The following SRSF4 variants were observed in gnomAD, a reference collection of about 807,000 sequenced individuals.
The protein encoded by SRSF4 is serine/arginine-rich splicing factor 4.
A neutral mutation model predicts 48.8 loss-of-function variants in SRSF4; 12 were observed. The observed-to-expected ratio is 0.25, with a 90% confidence interval of 0.16 to 0.40. The LOEUF is 0.40. Among genes scored for constraint, SRSF4 ranks in the 10% least tolerant of loss-of-function variants. The probability of loss-of-function intolerance (pLI) is 1.00; values close to 1 mark genes in which losing one functional copy is unlikely to be tolerated. For missense variants in SRSF4, 466 were observed against 667.1 expected, an observed-to-expected ratio of 0.70 and a Z score of 3.32; for synonymous variants, 248 against 232.5, an observed-to-expected ratio of 1.07 and a Z score of -0.61.
At chr1:29,152,501 C>T (rs1253151106) in intron 4 of SRSF4, among the ~76,000 whole-genome samples, 1 of 152,188 alleles carries the variant, frequency 6.6e-6, no homozygotes, top group African/African-American at 2.4e-5. Flanking sequence ...GTCAGTATAT[C>T]TGGTCCTTCT....
chr1:29,151,297 T>C (rs755898044), intron 4 of SRSF4, among the ~76,000 whole-genome samples: 7 of 152,146 alleles, frequency 4.6e-5, no homozygotes, highest in Non-Finnish European at 8.8e-5. Context: ...TCAATGATAC[T>C]AAGAAGAAAC....
At chr1:29,167,533 C>T (rs1265951651) in intron 1 of SRSF4, among the ~76,000 whole-genome samples, 9 of 152,188 alleles carry the variant, frequency 5.9e-5, no homozygotes, top group African/African-American at 2.2e-4. Flanking sequence ...TACAGGCACA[C>T]GCCACCACGC....
At chr1:29,170,964 G>C (rs1352409746) in intron 1 of SRSF4, 1 of 152,152 alleles carries the variant, frequency 6.6e-6, no homozygotes, top group African/African-American at 2.4e-5. Flanking sequence ...TAGCCTGGGA[G>C]ACTTTCATCT....
intron 1 of SRSF4, chr1:29,166,213 G>A (rs1672666947): frequency 6.6e-6 from 1 of 152,208 alleles, no homozygotes; most frequent in South Asian, 2.1e-4. Context: ...GAATCAAACA[G>A]CTTTGTTTCA....
Position 29,148,496 on chromosome 1 carries a change from T to C in SRSF4, c.1399A>G (p.Lys467Glu), listed in dbSNP as rs766701254. The C allele has an allele frequency of 1.2e-6, 2 of 1,614,134 alleles. No individual in the cohort carries two copies. The highest frequency in any genetic ancestry group is 3.3e-5 in the Admixed American group (2 of 60,014). Reference protein sequence around the residue: ...ESRSRSKSASKTRSRSKSRSR... With the variant: ...ESRSRSKSASETRSRSKSRSR... ...CTAGACTTGGACCGAGATCGGGTTT[T>C]TGAAGCTGACTTTGATCTGGAGCGT... The change falls in exon 6 of 6, where the codon AAA (lysine) becomes GAA (glutamate). Residue 467 changes from lysine (K) to glutamate (E), a missense_variant. Lys to Glu is a moderately conservative substitution (Grantham distance 56, BLOSUM62 1). Coordinates refer to ENST00000373795, the MANE Select transcript of SRSF4 (RefSeq NM_005626.5).
intron 5 of SRSF4, 117 bp from the exon 6 acceptor site, chr1:29,149,343 C>G: frequency 1.6e-6 from 2 of 1,274,162 alleles, no homozygotes; most frequent in Non-Finnish European, 2.1e-6. Context: ...ATGGCTGGCA[C>G]TGGCTGAGGA....
At position 29,154,930 on chromosome 1, in the gene SRSF4, T is replaced by C; in HGVS notation, c.364-20A>G. 1.2e-6 allele frequency: 2 copies of C among 1,600,408 alleles called. No individual in the cohort carries two copies. The highest frequency in any genetic ancestry group is 1.3e-5 in the African/African-American group (1 of 74,262). ...ATAATCCTGAAGAAAAAAAAAAGTG[T>C]GACTACATTAGGATATGTTTTGCTA... On this transcript the variant is annotated intron_variant, in intron 3 of 5. Coordinates refer to ENST00000373795, the MANE Select transcript of SRSF4 (RefSeq NM_005626.5).
intron 2 of SRSF4, chr1:29,159,729 C>A: frequency 1.7e-5 from 5 of 301,326 alleles, no homozygotes; most frequent in Non-Finnish European, 3.1e-5. Context: ...GATTAACATG[C>A]ATAAATTTAA....
At chr1:29,165,647 G>A (rs941388898) in intron 1 of SRSF4, among the ~76,000 whole-genome samples, 2 of 152,166 alleles carry the variant, frequency 1.3e-5, no homozygotes, top group East Asian at 1.9e-4. Context: ...ACTAAGTCCT[G>A]TCTGCAATCT....
intron 1 of SRSF4, among the ~76,000 whole-genome samples, chr1:29,162,850 CA>C (rs1672619323): frequency 6.6e-6 from 1 of 152,170 alleles, no homozygotes; most frequent in Admixed American, 6.5e-5. Flanking sequence ...GGGGTGGTCA[CA>C]GAATGCAACA....
rs755210368 is a variant in SRSF4 at position 29,159,483 on chromosome 1, C to T, written c.254G>A (p.Gly85Glu). The change falls in exon 3 of 6, where the codon GGA becomes GAA. Residue 85 changes from glycine (G) to glutamate (E), a missense_variant. This residue lies in a region of SRSF4 where 64 missense variants were observed against 230.2 expected (regional missense o/e 0.28). Coordinates refer to ENST00000373795, the MANE Select transcript of SRSF4 (RefSeq NM_005626.5). Reference sequence around the variant, plus strand: ...TCGGCCACTTCTTCTATAACCATATCCACCTTTGGAAGGTTCAAATAAATA... The same window carrying T: ...TCGGCCACTTCTTCTATAACCATATTCACCTTTGGAAGGTTCAAATAAATA... Reference protein sequence around the residue: ...RDGSYGSGRSGYGYRRSGRDK... With the variant: ...RDGSYGSGRSEYGYRRSGRDK... 1 of 1,611,060 alleles carries T rather than the reference C, an allele frequency of 6.2e-7. No homozygotes were observed.
chr1:29,179,066 T>A (rs956677303), intron 1 of SRSF4, among the ~76,000 whole-genome samples: 1 of 152,222 alleles, frequency 6.6e-6, no homozygotes, highest in East Asian at 1.9e-4. Flanking sequence ...CCCAGGTATT[T>A]AGGGTCCTGA....
intron 2 of SRSF4, 28 bp downstream of exon 2, chr1:29,160,347 G>A: frequency 6.3e-7 from 1 of 1,589,012 alleles, no homozygotes; most frequent in Non-Finnish European, 8.6e-7. Flanking sequence ...GCACGTTACT[G>A]ATAAAAGTAT....
intron 3 of SRSF4, among the ~76,000 whole-genome samples, chr1:29,155,492 A>G (rs1008166899): frequency 6.6e-6 from 1 of 152,178 alleles, no homozygotes; most frequent in Admixed American, 6.5e-5. Flanking sequence ...CATCTTCTAA[A>G]TTTAAAAACA....
At chr1:29,181,539 C>G in intron 1 of SRSF4, 107 bp downstream of exon 1, 2 of 998,320 alleles carry the variant, frequency 2.0e-6, no homozygotes, top group Non-Finnish European at 2.8e-6. Context: ...CTGGCCAGGC[C>G]GGTAGCCGCT....
chr1:29,148,821 C>T lies in SRSF4; in HGVS notation c.1074G>A (p.Lys358=). The T allele has an allele frequency of 6.2e-7, 1 of 1,608,306 alleles. No homozygotes were observed. Among genetic ancestry groups the T allele is most frequent in the Non-Finnish European group, 8.5e-7 (1 of 1,176,550 alleles). The change falls in exon 6 of 6, where the codon AAG becomes AAA. Residue 358 remains lysine (K), a synonymous_variant. Transcript: ENST00000373795. ...SKSKDKRKGR[K]RSREESRSRS... is the part of the protein sequence containing the mutation. ...GACTGCGGCTCTCCTCTCTGCTTCT[C>T]TTCCTGCCCTTCCTCTTGTCCTTGC...
chr1:29,151,995 G>C (rs1341786604), intron 4 of SRSF4, among the ~76,000 whole-genome samples: 1 of 152,094 alleles, frequency 6.6e-6, no homozygotes, highest in Non-Finnish European at 1.5e-5. Context: ...GAGACAACTA[G>C]GGCAGGGTGC....
intron 1 of SRSF4, among the ~76,000 whole-genome samples, chr1:29,167,407 T>TG (rs1418715497): frequency 3.3e-5 from 5 of 152,206 alleles, no homozygotes; most frequent in African/African-American, 1.2e-4. Context: ...TTTTTTGAGA[T>TG]GGAGTCTCGC....
At position 29,162,756 on chromosome 1, in the gene SRSF4, C is replaced by T. The variant is rs531133138; in HGVS notation, c.108-2239G>A. On this transcript the variant is annotated intron_variant, in intron 1 of 5. Coordinates refer to ENST00000373795, the MANE Select transcript of SRSF4 (RefSeq NM_005626.5). Reference sequence around the variant, plus strand: ...CTAACGTGATCTTAGAAGGACATCACCGAATCCTGAGGATTAAACAAACCA... The same window carrying T: ...CTAACGTGATCTTAGAAGGACATCATCGAATCCTGAGGATTAAACAAACCA... Among the ~76,000 whole-genome samples the T allele has an allele frequency of 2.9e-4, 44 of 152,320 alleles. No homozygotes were observed. In the South Asian group the frequency reaches 8.7e-3, roughly 30 times the overall value.
Sources: allele counts gnomAD v4.1 joint callset (sites outside exome capture counted in the v4.1 genomes callset), GRCh38; gene constraint gnomAD v4.1.1; regional missense constraint gnomAD v4.1.1; transcripts MANE v1.5; gene names NCBI Gene and HGNC (gene_info 2026-07-23, HGNC 2026-07-21).